OR7C1: variants seen among roughly 807,000 people sequenced by gnomAD.
The protein encoded by OR7C1 is olfactory receptor family 7 subfamily C member 1.
For synonymous variants in OR7C1, 152 were observed against 160.7 expected (o/e 0.95, Z 0.41); for missense variants, 324 against 383.3 (o/e 0.85, Z 1.29).
intron 1 of OR7C1, among the ~76,000 whole-genome samples, chr19:14,817,288 T>C (rs1232395457): frequency 6.6e-6 from 1 of 152,136 alleles, no homozygotes; most frequent in Admixed American, 6.5e-5. Context: ...TTCCATGGTG[T>C]ATATGTACCA....
intron 1 of OR7C1, chr19:14,827,168 C>T: frequency 1.8e-6 from 2 of 1,135,704 alleles, no homozygotes; most frequent in South Asian, 2.8e-5. Context: ...GTTGAAATCA[C>T]AACAAATTGA....
At chr19:14,799,271 A>T (rs2044626514) in exon 5 of OR7C1, 1 of 1,614,084 alleles carries the variant, frequency 6.2e-7, no homozygotes, top group African/African-American at 1.3e-5. Flanking sequence ...CAGGCTGTAG[A>T]TGAAGGGGTT....
chr19:14,823,273 C>T lies in OR7C1; in HGVS notation c.-623+11801G>A, dbSNP rs371400684. On this transcript the variant is annotated intron_variant, in intron 1 of 4. Transcript: ENST00000641666. ...TTCGAGACCAGCCTGGCAAACATGG[C>T]GAAACCCCATCTCTACTAAAAATAA... is the stretch of plus-strand genomic sequence containing the variant. Among the ~76,000 whole-genome samples the T allele has an allele frequency of 1.0e-3, 152 of 148,032 alleles. 2 individuals carry two copies. In the South Asian group the frequency reaches 0.031, roughly 31 times the overall value.
At position 14,800,454 on chromosome 19, in the gene OR7C1, C is replaced by G. The variant is rs144750325; in HGVS notation, c.-202-10G>C. On this transcript the variant is annotated splice_polypyrimidine_tract_variant and intron_variant, in intron 3 of 4. Coordinates refer to ENST00000641666, the Ensembl canonical transcript of OR7C1. ...GAATCCCTGGTCAGACCTACGGATT[C>G]AGAATCTACATTTTAACAATATCAC... 18 of 272,330 alleles carry G rather than the reference C, an allele frequency of 6.6e-5. No individual in the cohort carries two copies. Among genetic ancestry groups the G allele is most frequent in the African/African-American group, 4.0e-4 (18 of 45,270 alleles). The allele number at this position is 272,330 out of a possible 1,614,324, so 16.9% of individuals were successfully genotyped here.
intron 1 of OR7C1, among the ~76,000 whole-genome samples, chr19:14,831,605 C>T (rs551119228): frequency 1.1e-4 from 16 of 152,044 alleles, no homozygotes; most frequent in African/African-American, 3.6e-4. Flanking sequence ...CCACTGTGCC[C>T]GGCTAATTTT....
intron 2 of OR7C1, 148 bp from the exon 3 acceptor site, chr19:14,800,912 A>C (rs2044638341): frequency 6.6e-6 from 1 of 152,210 alleles, no homozygotes; most frequent in South Asian, 2.1e-4. Context: ...AACTCTGCGC[A>C]TTCACCACCA....
At chr19:14,830,888 C>G (rs1287887210) in intron 1 of OR7C1, among the ~76,000 whole-genome samples, 1 of 152,136 alleles carries the variant, frequency 6.6e-6, no homozygotes, top group African/African-American at 2.4e-5. Context: ...TCACCTGACC[C>G]TCAGCTGATG....
chr19:14,829,856 C>T (rs939826384), intron 1 of OR7C1, among the ~76,000 whole-genome samples: 1 of 152,210 alleles, frequency 6.6e-6, no homozygotes, highest in Admixed American at 6.5e-5. Context: ...CAGCCACACA[C>T]TCACTCACAC....
intron 1 of OR7C1, among the ~76,000 whole-genome samples, chr19:14,830,419 G>A (rs1393012047): frequency 1.3e-5 from 2 of 152,088 alleles, no homozygotes; most frequent in Non-Finnish European, 2.9e-5. Context: ...TACATTGCAA[G>A]GGTGCAACGG....
At chr19:14,813,633 G>A (rs1474031680) in intron 1 of OR7C1, among the ~76,000 whole-genome samples, 1 of 152,098 alleles carries the variant, frequency 6.6e-6, no homozygotes, top group African/African-American at 2.4e-5. Flanking sequence ...TATGACTGGG[G>A]AGGCCTCAGG....
At chr19:14,817,108 T>C (rs2044719736) in intron 1 of OR7C1, among the ~76,000 whole-genome samples, 1 of 152,068 alleles carries the variant, frequency 6.6e-6, no homozygotes. Context: ...AGGAAATAAT[T>C]GCAAAGTAAA....
At position 14,804,659 on chromosome 19, in the gene OR7C1, C is replaced by T. The variant is rs546124588; in HGVS notation, c.-434-3895G>A. ...ACATGAAATAGCCACAATACATAAA[C>T]GAGTCGCAGGATAACGAGTCGCAGG... On this transcript the variant is annotated intron_variant, in intron 2 of 4. Coordinates refer to ENST00000641666, the Ensembl canonical transcript of OR7C1. 3.3e-5 allele frequency among the ~76,000 whole-genome samples: 5 copies of T among 151,866 alleles called. 1 individual carries two copies. The Middle Eastern group carries it at 0.01, about 310-fold the overall frequency.
intron 1 of OR7C1, among the ~76,000 whole-genome samples, chr19:14,810,238 C>T (rs535025774): frequency 1.8e-4 from 27 of 151,866 alleles, no homozygotes; most frequent in Non-Finnish European, 3.4e-4. Context: ...TCCCCCAACA[C>T]TGGAAATGAC....
At chr19:14,821,488 T>C (rs1257324107) in intron 1 of OR7C1, 1 of 152,154 alleles carries the variant, frequency 6.6e-6, no homozygotes, top group Non-Finnish European at 1.5e-5. Context: ...GAACTTGCCT[T>C]AAAAACAAAA....
intron 1 of OR7C1, among the ~76,000 whole-genome samples, chr19:14,814,233 A>G (rs1482264339): frequency 6.6e-6 from 1 of 152,220 alleles, no homozygotes; most frequent in African/African-American, 2.4e-5. Flanking sequence ...GAGCAGAGTG[A>G]AAAGACAACC....
At chr19:14,805,338 C>T (rs1391199836) in intron 2 of OR7C1, among the ~76,000 whole-genome samples, 1 of 151,450 alleles carries the variant, frequency 6.6e-6, no homozygotes, top group African/African-American at 2.4e-5. Context: ...AATCTAGGAC[C>T]ATCCCTGGAG....
intron 1 of OR7C1, among the ~76,000 whole-genome samples, chr19:14,811,226 T>C (rs2147651144): frequency 6.6e-6 from 1 of 151,982 alleles, no homozygotes; most frequent in East Asian, 1.9e-4. Context: ...TATTCTCTTA[T>C]AGTTCTGGAG....
At chr19:14,828,983 G>C (rs1310085123) in intron 1 of OR7C1, among the ~76,000 whole-genome samples, 1 of 152,022 alleles carries the variant, frequency 6.6e-6, no homozygotes, top group Admixed American at 6.6e-5. Flanking sequence ...GATGGGAACA[G>C]GCGCTTGGAA....
At chr19:14,828,197 C>T (rs748110871) in intron 1 of OR7C1, 1 of 1,613,188 alleles carries the variant, frequency 6.2e-7, no homozygotes, top group Admixed American at 1.7e-5. Flanking sequence ...GTGAAAATCC[C>T]AGAAGAAGAA....
Sources: gnomAD v4.1 joint callset for allele counts (sites outside exome capture counted in the v4.1 genomes callset) on GRCh38, gnomAD v4.1.1 for gene constraint, MANE v1.5 for transcripts, NCBI Gene and HGNC (gene_info 2026-07-23, HGNC 2026-07-21) for gene names.